Variants in OSMR observed in about 807,000 individuals in gnomAD.
OSMR encodes the protein oncostatin M receptor, also known as oncostatin-M-specific receptor subunit beta.
Under a neutral mutation model 99.9 loss-of-function variants are expected in OSMR, and 81 were observed. The ratio of observed to expected loss-of-function variants is 0.81; its 90% CI spans 0.68 to 0.97. The LOEUF is 0.97. Ranked by LOEUF, OSMR falls within the 50% of genes least tolerant of loss-of-function variation. The pLI is 0.00. For missense variants in OSMR, 1,099 were observed against 1,153.4 expected, an observed-to-expected ratio of 0.95 and a Z score of 0.68; for synonymous variants, 406 against 410.4, an observed-to-expected ratio of 0.99 and a Z score of 0.13.
rs78003907 is a variant in OSMR at position 38,925,432 on chromosome 5, G to C, written c.2212+61G>C. The C allele has an allele frequency of 1.0e-3, 1,462 of 1,431,688 alleles. 14 individuals carry two copies. In the African/African-American group the frequency reaches 0.018, roughly 18 times the overall value. 88.7% of individuals were successfully genotyped at this position (1,431,688 alleles called of 1,614,324 possible). On this transcript the variant is annotated intron_variant, in intron 15 of 17. Transcript: ENST00000274276. The stretch of plus-strand genomic sequence containing the variant: ...GTTTCTGGGAAACTAACAAATTACA[G>C]AAGTGTTGACTTAGGCTTTGTCTAG...
At chr5:38,904,174 T>C in intron 8 of OSMR, 150 bp downstream of exon 8, 14 of 1,525,660 alleles carry the variant, frequency 9.2e-6, no homozygotes, top group Non-Finnish European at 1.2e-5. Flanking sequence ...AAATTAATCA[T>C]ACACTTTTAT....
intron 9 of OSMR, among the ~76,000 whole-genome samples, chr5:38,905,200 G>A (rs545286960): frequency 5.3e-5 from 8 of 152,184 alleles, no homozygotes; most frequent in Non-Finnish European, 7.4e-5. Flanking sequence ...TACAGACATC[G>A]TAATAATCTT....
At chr5:38,891,693 G>A (rs1744169107) in intron 7 of OSMR, among the ~76,000 whole-genome samples, 1 of 152,184 alleles carries the variant, frequency 6.6e-6, no homozygotes, top group Non-Finnish European at 1.5e-5. Flanking sequence ...GGAGTCTTTA[G>A]AGAGGTACCA....
chr5:38,918,194 A>G (rs10472312), intron 10 of OSMR, among the ~76,000 whole-genome samples: 83,195 of 151,152 alleles, frequency 0.55, 23,280 homozygotes, highest in Middle Eastern at 0.6. Context: ...CTGTGCACAG[A>G]CGTGTGGGCA....
At chr5:38,901,890 C>T (rs745712362) in intron 7 of OSMR, among the ~76,000 whole-genome samples, 14 of 152,110 alleles carry the variant, frequency 9.2e-5, no homozygotes, top group Non-Finnish European at 1.5e-4. Context: ...TATATGTGGT[C>T]TCCAGTACTC....
At chr5:38,906,131 T>C (rs1376904901) in intron 9 of OSMR, among the ~76,000 whole-genome samples, 1 of 151,726 alleles carries the variant, frequency 6.6e-6, no homozygotes. Flanking sequence ...CCTCAGTGTG[T>C]TTTAGAAAAG....
chr5:38,941,302 T>C (rs1216957847), intron 1 of OSMR: 1 of 230,310 alleles, frequency 4.3e-6, no homozygotes, highest in East Asian at 6.2e-5. Flanking sequence ...CTACAATTTT[T>C]CTCAATAACA....
chr5:38,849,227 G>A (rs998064706), intron 1 of OSMR, among the ~76,000 whole-genome samples: 3 of 152,206 alleles, frequency 2.0e-5, no homozygotes, highest in African/African-American at 2.4e-5. Flanking sequence ...AAGAGAATCT[G>A]AGGAGAGGTA....
intron 7 of OSMR, among the ~76,000 whole-genome samples, chr5:38,893,919 A>G (rs748433710): frequency 7.9e-5 from 12 of 152,196 alleles, no homozygotes; most frequent in Non-Finnish European, 1.6e-4. Context: ...CTTAAATGCA[A>G]CTAGAGAAAA....
At chr5:38,879,554 G>A (rs16867829) in intron 3 of OSMR, among the ~76,000 whole-genome samples, 2,202 of 152,182 alleles carry the variant, frequency 0.014, 39 homozygotes, top group East Asian at 0.076. Flanking sequence ...TGGCATTAGA[G>A]CGAAGTTGCC....
At chr5:38,915,211 T>C (rs898277588) in intron 9 of OSMR, among the ~76,000 whole-genome samples, 7 of 152,172 alleles carry the variant, frequency 4.6e-5, no homozygotes, top group African/African-American at 1.7e-4. Flanking sequence ...AGCACTCAGG[T>C]GATGGACTTT....
Position 38,886,281 on chromosome 5 carries a change from G to GC in OSMR, c.991+93dup, listed in dbSNP as rs529537223. 1.3e-4 allele frequency: 213 copies of GC among 1,604,096 alleles called. No individual in the cohort carries two copies. The Middle Eastern group carries it at 3.0e-3, about 23-fold the overall frequency. ...TCAAGTAAATGTGCTGTAGATCTTT[G>GC]CCTCATTCACAGCGGAGGTGAGAGT... On this transcript the variant is annotated intron_variant, in intron 7 of 17. Coordinates refer to ENST00000274276, the MANE Select transcript of OSMR (RefSeq NM_003999.3).
chr5:38,866,512 C>T (rs1376103023), intron 1 of OSMR, among the ~76,000 whole-genome samples: 1 of 152,134 alleles, frequency 6.6e-6, no homozygotes, highest in Non-Finnish European at 1.5e-5. Context: ...ACCAGTTGTT[C>T]CCCCGGGTAT....
intron 15 of OSMR, among the ~76,000 whole-genome samples, chr5:38,926,664 G>A (rs1561411484): frequency 6.6e-6 from 1 of 152,168 alleles, no homozygotes; most frequent in Non-Finnish European, 1.5e-5. Context: ...GGGGAATATA[G>A]GAGCTGAAAT....
intron 3 of OSMR, among the ~76,000 whole-genome samples, chr5:38,878,855 G>A (rs142855249): frequency 6.6e-6 from 1 of 152,342 alleles, no homozygotes; most frequent in African/African-American, 2.4e-5. Context: ...AGGTTAAACA[G>A]GTTCCACACA....
chr5:38,884,548 C>T (rs1743558405), intron 5 of OSMR, among the ~76,000 whole-genome samples: 3 of 152,106 alleles, frequency 2.0e-5, no homozygotes, highest in South Asian at 2.1e-4. Flanking sequence ...GTTTCCTAGC[C>T]TCTCTGAGCC....
intron 5 of OSMR, chr5:38,885,068 C>T (rs759561356): frequency 4.7e-6 from 2 of 425,996 alleles, no homozygotes; most frequent in African/African-American, 2.2e-5. Context: ...ACTGGGGATA[C>T]AACCCTTGTC....
intron 7 of OSMR, among the ~76,000 whole-genome samples, chr5:38,902,942 A>G (rs1334368131): frequency 6.6e-6 from 1 of 151,178 alleles, no homozygotes; most frequent in Admixed American, 6.6e-5. Context: ...CACCTCACCC[A>G]CATTCTCGGG....
chr5:38,873,314 C>T (rs1375299278), intron 2 of OSMR, among the ~76,000 whole-genome samples: 1 of 152,188 alleles, frequency 6.6e-6, no homozygotes, highest in Non-Finnish European at 1.5e-5. Context: ...GTGTATACCA[C>T]AGTTTGTTCA....
Sources: allele counts gnomAD v4.1 joint callset (sites outside exome capture counted in the v4.1 genomes callset), GRCh38; gene constraint gnomAD v4.1.1; transcripts MANE v1.5; gene names NCBI Gene and HGNC (gene_info 2026-07-23, HGNC 2026-07-21).